The following BRIP1 variants were observed in gnomAD, a reference collection of about 807,000 sequenced individuals.
BRIP1 encodes Fanconi anemia group J protein.
A neutral mutation model predicts 119.7 loss-of-function variants in BRIP1; 88 were observed. That is an observed-to-expected ratio of 0.74 (90% CI 0.62 to 0.88). BRIP1 has a LOEUF of 0.88. Among genes scored for constraint, BRIP1 ranks in the 40% least tolerant of loss-of-function variants. The pLI is 0.00. For missense variants in BRIP1, 1,259 were observed against 1,455.4 expected (o/e 0.87, Z 2.20); for synonymous variants, 443 against 496.5 (o/e 0.89, Z 1.43).
rs2077141441 is a variant in BRIP1 at position 61,752,256 on chromosome 17, G to GA, written c.2098-7666dup. On this transcript the variant is annotated intron_variant, in intron 14 of 19. Transcript: ENST00000259008. This position sits in a 1 kb window ranked among gnomAD's most constrained non-coding sequence, Gnocchi z 6.2. ...TGATTATTAATATGATGAGTTAGAGGAGGGGTTATAACAGGTACATTTAGG... is the reference window on the plus strand; with the variant it reads ...TGATTATTAATATGATGAGTTAGAGGAAGGGGTTATAACAGGTACATTTAGG... Among the ~76,000 whole-genome samples, 1 of 152,022 alleles carries GA rather than the reference G, an allele frequency of 6.6e-6. No homozygotes were observed. Among genetic ancestry groups the GA allele is most frequent in the East Asian group, 1.9e-4 (1 of 5,194 alleles).
At chr17:61,763,044 C>T (rs1013062068) in intron 14 of BRIP1, among the ~76,000 whole-genome samples, 65 of 152,214 alleles carry the variant, frequency 4.3e-4, no homozygotes, top group African/African-American at 1.6e-3. Context: ...TCTAAAACAA[C>T]TGAACTCAAA....
rs1466451389 is a variant in BRIP1, at chr17:61,776,705, C to T, written c.1936-143G>A. 8 of 811,548 alleles carry T rather than the reference C, an allele frequency of 9.9e-6. No homozygotes were observed. Among genetic ancestry groups the T allele is most frequent in the Non-Finnish European group, 1.6e-5 (8 of 494,282 alleles). The allele number at this position is 811,548 out of a possible 1,614,324, so 50.3% of individuals were successfully genotyped here. On this transcript the variant is annotated intron_variant, in intron 13 of 19. Coordinates refer to ENST00000259008, the MANE Select transcript of BRIP1 (RefSeq NM_032043.3). The surrounding 1 kb of genome is among the most constrained non-coding windows in gnomAD (Gnocchi z 5.0). ...TTGTCAGGGGGTTTTCTATTACCTT[C>T]AATTAACTGTATACAGATTTAATTT...
At position 61,724,302 on chromosome 17, in the gene BRIP1, A is replaced by T. The variant is rs563042566; in HGVS notation, c.2380-8239T>A. Among the ~76,000 whole-genome samples, 42 of 152,102 alleles carry T rather than the reference A, an allele frequency of 2.8e-4. No homozygotes were observed. Among genetic ancestry groups the T allele is most frequent in the Non-Finnish European group, 5.6e-4 (38 of 67,978 alleles). ...ACCATTATATCATAATGTACTTGAG[A>T]TTGAACAGAAAGTTTCTTAAGTTCT... On this transcript the variant is annotated intron_variant, in intron 16 of 19. Coordinates refer to ENST00000259008, the MANE Select transcript of BRIP1 (RefSeq NM_032043.3). This position sits in a 1 kb window ranked among gnomAD's most constrained non-coding sequence, Gnocchi z 5.1.
At chr17:61,849,487 C>T (rs1394662553) in intron 4 of BRIP1, among the ~76,000 whole-genome samples, 1 of 151,948 alleles carries the variant, frequency 6.6e-6, no homozygotes, top group Non-Finnish European at 1.5e-5. Context: ...TTTTTTAAAT[C>T]GCCTTATGTA....
At chr17:61,772,497 T>A (rs1018059239) in intron 14 of BRIP1, among the ~76,000 whole-genome samples, 1 of 152,018 alleles carries the variant, frequency 6.6e-6, no homozygotes, top group East Asian at 1.9e-4. Context: ...TTGTCTAACA[T>A]TGTGAATGTA....
rs1603365910 is a variant in BRIP1 at position 61,856,319 on chromosome 17, A to G, written c.379+739T>C. On this transcript the variant is annotated intron_variant, in intron 4 of 19. Coordinates refer to ENST00000259008, the MANE Select transcript of BRIP1 (RefSeq NM_032043.3). This position sits in a 1 kb window ranked among gnomAD's most constrained non-coding sequence, Gnocchi z 5.1. Reference sequence around the variant, plus strand: ...GTTTTGACTTAAGTCAATCATGGCAACCTCTGTCTCCCTGCCAGTGACTGG... The same window carrying G: ...GTTTTGACTTAAGTCAATCATGGCAGCCTCTGTCTCCCTGCCAGTGACTGG... Among the ~76,000 whole-genome samples the G allele has an allele frequency of 6.6e-6, 1 of 152,162 alleles. No individual in the cohort carries two copies. Among genetic ancestry groups the G allele is most frequent in the African/African-American group, 2.4e-5 (1 of 41,436 alleles).
Position 61,734,973 on chromosome 17 carries a change from C to G in BRIP1, c.2379+8040G>C, listed in dbSNP as rs971089976. Among the ~76,000 whole-genome samples the G allele has an allele frequency of 6.6e-6, 1 of 152,030 alleles. No individual in the cohort carries two copies. The highest frequency in any genetic ancestry group is 1.5e-5 in the Non-Finnish European group (1 of 67,996). ...GTTGTTTCGTTTCTATAAGGTAGAA[C>G]ATTTAAATTTTTATTTACTAAATAA... On this transcript the variant is annotated intron_variant, in intron 16 of 19. Transcript: ENST00000259008. This position sits in a 1 kb window ranked among gnomAD's most constrained non-coding sequence, Gnocchi z 5.2.
rs747811452 is a variant in BRIP1 at position 61,744,827 on chromosome 17, C to A, written c.2098-236G>T. Among the ~76,000 whole-genome samples the A allele has an allele frequency of 1.3e-5, 2 of 150,918 alleles. No individual in the cohort carries two copies. Among genetic ancestry groups the A allele is most frequent in the Admixed American group, 6.6e-5 (1 of 15,166 alleles). On this transcript the variant is annotated intron_variant, in intron 14 of 19. Coordinates refer to ENST00000259008, the MANE Select transcript of BRIP1 (RefSeq NM_032043.3). This position sits in a 1 kb window ranked among gnomAD's most constrained non-coding sequence, Gnocchi z 5.0. ...TTAGCTGCTGCTGCTGCTACTACTA[C>A]TATTATCTTGGCAATTTCTACCACT...
intron 10 of BRIP1, among the ~76,000 whole-genome samples, chr17:61,785,715 C>T (rs2077695017): frequency 6.6e-6 from 1 of 152,108 alleles, no homozygotes; most frequent in Admixed American, 6.5e-5. Flanking sequence ...AAAATGAAGT[C>T]CCCTCAGCAA....
intron 6 of BRIP1, among the ~76,000 whole-genome samples, chr17:61,840,369 A>G (rs1056054870): frequency 1.3e-5 from 2 of 151,648 alleles, no homozygotes; most frequent in African/African-American, 4.8e-5. Context: ...AAAAAAAAAA[A>G]AAAAAAGAAA....
chr17:61,756,824 T>C lies in BRIP1; in HGVS notation c.2098-12233A>G, dbSNP rs893692271. 2.0e-5 allele frequency among the ~76,000 whole-genome samples: 3 copies of C among 152,232 alleles called. No homozygotes were observed. The highest frequency in any genetic ancestry group is 2.0e-4 in the Admixed American group (3 of 15,280). On this transcript the variant is annotated intron_variant, in intron 14 of 19. Transcript: ENST00000259008. This position sits in a 1 kb window ranked among gnomAD's most constrained non-coding sequence, Gnocchi z 4.3. ...TCTTTGCCCTCATTAGTGGTATTGT[T>C]ACAATCCCAGTCCTCTGGAAAATGT...
In BRIP1 at chr17:61,717,801, C is replaced by T. The variant is rs923207101; in HGVS notation, c.2380-1738G>A. Among the ~76,000 whole-genome samples, 4 of 152,070 alleles carry T rather than the reference C, an allele frequency of 2.6e-5. No individual in the cohort carries two copies. The highest frequency in any genetic ancestry group is 2.0e-4 in the Admixed American group (3 of 15,238). On this transcript the variant is annotated intron_variant, in intron 16 of 19. Transcript: ENST00000259008. This position sits in a 1 kb window ranked among gnomAD's most constrained non-coding sequence, Gnocchi z 4.1. Reference sequence around the variant, plus strand: ...AACTCTTCTTCTTAGACTCCAATTACAACTATATTAGACTACTTTATATTA... The same window carrying T: ...AACTCTTCTTCTTAGACTCCAATTATAACTATATTAGACTACTTTATATTA...
At chr17:61,714,798 TA>T (rs1286236401) in intron 17 of BRIP1, among the ~76,000 whole-genome samples, 1 of 139,068 alleles carries the variant, frequency 7.2e-6, no homozygotes, top group African/African-American at 2.9e-5. Context: ...AATGATTTGC[TA>T]ATTTTTTTTT....
At chr17:61,812,779 CTT>C (rs369078742) in intron 6 of BRIP1, among the ~76,000 whole-genome samples, 113 of 152,158 alleles carry the variant, frequency 7.4e-4, no homozygotes, top group African/African-American at 2.6e-3. Flanking sequence ...TATTCCCTCT[CTT>C]GTTGTATTAT....
intron 4 of BRIP1, among the ~76,000 whole-genome samples, chr17:61,850,159 A>G (rs1354357347): frequency 1.3e-5 from 2 of 150,618 alleles, no homozygotes; most frequent in African/African-American, 4.9e-5. Flanking sequence ...CTGAAGTGCA[A>G]TGGTGTGATC....
chr17:61,738,235 T>G lies in BRIP1; in HGVS notation c.2379+4778A>C, dbSNP rs1567775466. 6.6e-6 allele frequency among the ~76,000 whole-genome samples: 1 copy of G among 152,190 alleles called. No individual in the cohort carries two copies. Among genetic ancestry groups the G allele is most frequent in the Non-Finnish European group, 1.5e-5 (1 of 68,026 alleles). On this transcript the variant is annotated intron_variant, in intron 16 of 19. Coordinates refer to ENST00000259008, the MANE Select transcript of BRIP1 (RefSeq NM_032043.3). The surrounding 1 kb of genome is among the most constrained non-coding windows in gnomAD (Gnocchi z 4.2). The stretch of plus-strand genomic sequence containing the variant: ...CCAGAGATGTATGACCTGTAATAAA[T>G]GATTGCTGTTTTAAGTCACTAAGTT...
Position 61,758,892 on chromosome 17 carries a change from G to A in BRIP1, c.2098-14301C>T, listed in dbSNP as rs1316039591. Among the ~76,000 whole-genome samples the A allele has an allele frequency of 6.6e-6, 1 of 151,728 alleles. No individual in the cohort carries two copies. The highest frequency in any genetic ancestry group is 2.4e-5 in the African/African-American group (1 of 41,306). Reference sequence around the variant, plus strand: ...CTGGGTGTGGTGGCACATGCCTGTAGTACCAGCTACTCAGGAGGCTGAGGT... The same window carrying A: ...CTGGGTGTGGTGGCACATGCCTGTAATACCAGCTACTCAGGAGGCTGAGGT... On this transcript the variant is annotated intron_variant, in intron 14 of 19. Coordinates refer to ENST00000259008, the MANE Select transcript of BRIP1 (RefSeq NM_032043.3). The surrounding 1 kb of genome is among the most constrained non-coding windows in gnomAD (Gnocchi z 5.3).
intron 17 of BRIP1, among the ~76,000 whole-genome samples, 197 bp downstream of exon 17, chr17:61,715,754 T>C (rs1169390709): frequency 2.0e-5 from 3 of 152,238 alleles, no homozygotes; most frequent in African/African-American, 7.2e-5. Context: ...ATTGTGAGTT[T>C]TGTTTTGGGA....
chr17:61,705,196 G>A lies in BRIP1; in HGVS notation c.2492+10755C>T, dbSNP rs1020615794. ...TATAAGTGGGAACATATGGTATTTGGTTTTCTGTTTCTGTGTTAGTTTGCT... is the reference window on the plus strand; with the variant it reads ...TATAAGTGGGAACATATGGTATTTGATTTTCTGTTTCTGTGTTAGTTTGCT... On this transcript the variant is annotated intron_variant, in intron 17 of 19. Transcript: ENST00000259008. This position sits in a 1 kb window ranked among gnomAD's most constrained non-coding sequence, Gnocchi z 5.0. 6.6e-6 allele frequency among the ~76,000 whole-genome samples: 1 copy of A among 152,006 alleles called. No homozygotes were observed. Among genetic ancestry groups the A allele is most frequent in the African/African-American group, 2.4e-5 (1 of 41,402 alleles).
Sources: allele counts gnomAD v4.1 joint callset (sites outside exome capture counted in the v4.1 genomes callset), GRCh38; gene constraint gnomAD v4.1.1; non-coding constraint Gnocchi (gnomAD v3.1); transcripts MANE v1.5; gene names NCBI Gene and HGNC (gene_info 2026-07-23, HGNC 2026-07-21).